Variants in WWOX observed in about 807,000 individuals in gnomAD.
The protein encoded by WWOX is WW domain containing oxidoreductase.
In WWOX, 69 loss-of-function variants were observed where a neutral mutation model predicts 46.2. That is an observed-to-expected ratio of 1.49 (90% CI 1.23 to 1.82). The LOEUF is 1.82. Ranked by LOEUF, WWOX falls within the 40% of genes most tolerant of loss-of-function variation. The probability of loss-of-function intolerance (pLI) is 0.00; values close to 1 mark genes in which losing one functional copy is unlikely to be tolerated. For missense variants in WWOX, 919 were observed against 542.6 expected (o/e 1.69, Z -6.89); for synonymous variants, 359 against 202.6 (o/e 1.77, Z -6.56).
intron 8 of WWOX, among the ~76,000 whole-genome samples, chr16:78,788,375 A>T (rs1213486765): frequency 1.3e-5 from 2 of 152,158 alleles, no homozygotes; most frequent in South Asian, 2.1e-4. Flanking sequence ...TCCTTCTTTC[A>T]CCTGCCCCAA....
chr16:78,680,198 C>T (rs139440016), intron 8 of WWOX, among the ~76,000 whole-genome samples: 1 of 152,170 alleles, frequency 6.6e-6, no homozygotes, highest in East Asian at 1.9e-4. Flanking sequence ...TAGCTTGAGC[C>T]CAGGAGTTCG....
In WWOX at chr16:78,253,678, A is replaced by G. The variant is rs150510995; in HGVS notation, c.516+89389A>G. 2.0e-5 allele frequency among the ~76,000 whole-genome samples: 3 copies of G among 152,366 alleles called. No individual in the cohort carries two copies. In the East Asian group the frequency reaches 5.8e-4, roughly 29 times the overall value. On this transcript the variant is annotated intron_variant, in intron 5 of 8. Transcript: ENST00000566780. The stretch of plus-strand genomic sequence containing the variant: ...AAGATATCGTAAATATATTTAGGAT[A>G]TTAGAAATAAGATATTTAACTTTAC...
chr16:78,396,963 T>G (rs2082301911), intron 6 of WWOX, among the ~76,000 whole-genome samples: 1 of 152,226 alleles, frequency 6.6e-6, no homozygotes, highest in African/African-American at 2.4e-5. Flanking sequence ...CCAGAGACCC[T>G]TTAAATGAAA....
intron 8 of WWOX, among the ~76,000 whole-genome samples, chr16:78,934,197 A>T (rs546602860): frequency 6.6e-6 from 1 of 151,584 alleles, no homozygotes; most frequent in South Asian, 2.1e-4. Flanking sequence ...AATTAGCCTG[A>T]CATGGTGGCA....
At chr16:78,439,831 A>T (rs1390432950) in intron 8 of WWOX, among the ~76,000 whole-genome samples, 2 of 152,162 alleles carry the variant, frequency 1.3e-5, no homozygotes, top group African/African-American at 2.4e-5. Context: ...CTTTTCCCTC[A>T]TGCTTACAAG....
chr16:78,454,148 C>T (rs376618029), intron 8 of WWOX, among the ~76,000 whole-genome samples: 29 of 152,244 alleles, frequency 1.9e-4, no homozygotes, highest in East Asian at 9.6e-4. Context: ...GATTGGTCTC[C>T]GGGCATACTC....
intron 8 of WWOX, among the ~76,000 whole-genome samples, chr16:78,813,303 C>A (rs920892173): frequency 7.9e-5 from 12 of 151,638 alleles, no homozygotes; most frequent in African/African-American, 2.9e-4. Context: ...CCCTCCTAAG[C>A]TATAAATATA....
rs544953865 is a variant in WWOX, at chr16:78,987,117, A to G, written c.1057-224491A>G. Among the ~76,000 whole-genome samples the G allele has an allele frequency of 1.6e-4, 24 of 152,304 alleles. No homozygotes were observed. The South Asian group carries it at 3.9e-3, about 25-fold the overall frequency. ...AGAACTAACTTGCCACTTTGATAGC[A>G]GTATAGGACTCCAATATTTCTCATT... On this transcript the variant is annotated intron_variant, in intron 8 of 8. Coordinates refer to ENST00000566780, the MANE Select transcript of WWOX (RefSeq NM_016373.4).
chr16:78,706,056 A>C (rs971510462), intron 8 of WWOX, among the ~76,000 whole-genome samples: 1 of 54,110 alleles, frequency 1.8e-5, no homozygotes, highest in African/African-American at 7.2e-5. Flanking sequence ...GAGTTATGGC[A>C]GGTTTTTTTT....
intron 8 of WWOX, chr16:78,534,315 G>C (rs2043703121): frequency 6.6e-6 from 1 of 152,168 alleles, no homozygotes; most frequent in East Asian, 1.9e-4. Flanking sequence ...TTGGCATATA[G>C]CTGCTCAAGA....
chr16:79,175,550 C>T (rs990698133), intron 8 of WWOX, among the ~76,000 whole-genome samples: 12 of 152,144 alleles, frequency 7.9e-5, no homozygotes, highest in African/African-American at 2.7e-4. Flanking sequence ...TTTTGATCTT[C>T]ATTCCTGGGT....
intron 8 of WWOX, among the ~76,000 whole-genome samples, chr16:78,556,303 G>C (rs1324953452): frequency 6.6e-6 from 1 of 151,792 alleles, no homozygotes; most frequent in African/African-American, 2.4e-5. Context: ...GAGACATGGA[G>C]ACAGTCGGCG....
chr16:78,485,592 G>C (rs1045497961), intron 8 of WWOX, among the ~76,000 whole-genome samples: 4 of 152,178 alleles, frequency 2.6e-5, no homozygotes, highest in Non-Finnish European at 5.9e-5. Context: ...GGGGAGGGGA[G>C]CCTGTCTCAC....
intron 8 of WWOX, among the ~76,000 whole-genome samples, chr16:78,749,089 G>A (rs2049417026): frequency 6.6e-6 from 1 of 152,216 alleles, no homozygotes; most frequent in Non-Finnish European, 1.5e-5. Flanking sequence ...GTGTTTTAGT[G>A]CTTAGGGGTT....
intron 8 of WWOX, among the ~76,000 whole-genome samples, chr16:78,848,982 C>T (rs774849712): frequency 3.9e-5 from 6 of 152,150 alleles, no homozygotes; most frequent in Non-Finnish European, 7.3e-5. Context: ...TCATTTGCTG[C>T]GATGACTCGC....
chr16:78,235,628 C>T (rs905089775), intron 5 of WWOX, among the ~76,000 whole-genome samples: 1 of 152,186 alleles, frequency 6.6e-6, no homozygotes, highest in Non-Finnish European at 1.5e-5. Context: ...TTGCAATTGC[C>T]TCCTTCTAAC....
At chr16:78,146,544 A>G (rs1266696871) in intron 4 of WWOX, among the ~76,000 whole-genome samples, 1 of 152,150 alleles carries the variant, frequency 6.6e-6, no homozygotes, top group Non-Finnish European at 1.5e-5. Flanking sequence ...GCTGATGGTT[A>G]GATTACACGT....
intron 8 of WWOX, among the ~76,000 whole-genome samples, chr16:78,968,962 C>T (rs1416979511): frequency 2.0e-5 from 3 of 151,826 alleles, no homozygotes; most frequent in East Asian, 1.9e-4. Context: ...CTTTTTTCCA[C>T]TTTCAAATGT....
intron 8 of WWOX, among the ~76,000 whole-genome samples, chr16:78,622,361 G>GGT (rs1469022682): frequency 6.6e-6 from 1 of 151,914 alleles, no homozygotes; most frequent in Non-Finnish European, 1.5e-5. Flanking sequence ...TGGCCAACAT[G>GGT]GTAAAACCCC....
Sources: gnomAD v4.1 joint callset for allele counts (sites outside exome capture counted in the v4.1 genomes callset) on GRCh38, gnomAD v4.1.1 for gene constraint, MANE v1.5 for transcripts, NCBI Gene and HGNC (gene_info 2026-07-23, HGNC 2026-07-21) for gene names.